The following PCDH15 variants were observed in gnomAD, a reference collection of about 807,000 sequenced individuals.
PCDH15 encodes the protein protocadherin related 15, also known as protocadherin-15.
A neutral mutation model predicts 178.5 loss-of-function variants in PCDH15; 129 were observed. That is an observed-to-expected ratio of 0.72 (90% CI 0.63 to 0.84). The LOEUF is 0.84. PCDH15 is among the 40% of genes least tolerant of loss of function. The probability of loss-of-function intolerance (pLI) is 0.00; values close to 1 mark genes in which losing one functional copy is unlikely to be tolerated. For missense variants in PCDH15, 2,230 were observed against 2,099.9 expected (o/e 1.06, Z -1.21); for synonymous variants, 800 against 732.0 (o/e 1.09, Z -1.50).
chr10:54,725,135 G>C (rs912435229), intron 1 of PCDH15, among the ~76,000 whole-genome samples: 1 of 151,068 alleles, frequency 6.6e-6, no homozygotes, highest in Non-Finnish European at 1.5e-5. Flanking sequence ...CAACACTGTG[G>C]GTTCATGAGC....
At chr10:54,427,886 A>T (rs1956488875) in intron 3 of PCDH15, among the ~76,000 whole-genome samples, 2 of 152,218 alleles carry the variant, frequency 1.3e-5, no homozygotes, top group African/African-American at 4.8e-5. Flanking sequence ...ACAATTGCTC[A>T]GTATTACTCT....
intron 3 of PCDH15, among the ~76,000 whole-genome samples, chr10:54,519,427 C>T (rs1051802754): frequency 2.0e-5 from 3 of 151,702 alleles, no homozygotes; most frequent in Non-Finnish European, 2.9e-5. Flanking sequence ...AACAGACAAA[C>T]AGAGAGCCAA....
At chr10:54,387,491 G>T (rs1950063291) in intron 3 of PCDH15, among the ~76,000 whole-genome samples, 1 of 152,070 alleles carries the variant, frequency 6.6e-6, no homozygotes, top group South Asian at 2.1e-4. Context: ...AACAAATATG[G>T]CATGATTATA....
At chr10:55,251,122 T>C (rs1468492318) in intron 1 of PCDH15, among the ~76,000 whole-genome samples, 1 of 152,058 alleles carries the variant, frequency 6.6e-6, no homozygotes, top group Non-Finnish European at 1.5e-5. Context: ...AGATATTGTA[T>C]CAGTATATCG....
At chr10:55,599,871 A>C in intron 2 of PCDH15, 1 of 1,427,772 alleles carries the variant, frequency 7.0e-7, no homozygotes, top group Non-Finnish European at 9.4e-7. Flanking sequence ...TAGCATAATC[A>C]CTTGTTCCCT....
At chr10:54,762,312 A>C (rs1398541055) in intron 1 of PCDH15, among the ~76,000 whole-genome samples, 1 of 152,172 alleles carries the variant, frequency 6.6e-6, no homozygotes, top group Non-Finnish European at 1.5e-5. Context: ...AACATGTCGT[A>C]CTTAAAAAAA....
intron 2 of PCDH15, among the ~76,000 whole-genome samples, chr10:54,920,326 C>T (rs376695660): frequency 2.0e-4 from 31 of 151,888 alleles, no homozygotes; most frequent in South Asian, 8.3e-4. Context: ...AAAAATTAGC[C>T]GGGCATGGTG....
intron 2 of PCDH15, among the ~76,000 whole-genome samples, chr10:55,056,041 C>G (rs1303875811): frequency 6.6e-6 from 1 of 152,110 alleles, no homozygotes; most frequent in Non-Finnish European, 1.5e-5. Flanking sequence ...ACAACGCTAA[C>G]CCAATGTACC....
chr10:54,474,577 G>A (rs2078145257), intron 3 of PCDH15, among the ~76,000 whole-genome samples: 1 of 151,982 alleles, frequency 6.6e-6, no homozygotes, highest in Non-Finnish European at 1.5e-5. Context: ...ACAGGCTGCT[G>A]ATAAATAGAC....
chr10:54,393,005 G>T (rs1950749959), intron 3 of PCDH15, among the ~76,000 whole-genome samples: 1 of 151,856 alleles, frequency 6.6e-6, no homozygotes, highest in Non-Finnish European at 1.5e-5. Context: ...ACTGATATGT[G>T]ATTAAAATTT....
chr10:53,947,320 T>C (rs1256445607), intron 23 of PCDH15, among the ~76,000 whole-genome samples: 1 of 152,158 alleles, frequency 6.6e-6, no homozygotes, highest in Non-Finnish European at 1.5e-5. Context: ...ATGTGTCAAA[T>C]AAAGCTTCTA....
intron 29 of PCDH15, among the ~76,000 whole-genome samples, chr10:53,840,030 G>C (rs1390666974): frequency 6.6e-6 from 1 of 152,192 alleles, no homozygotes; most frequent in African/African-American, 2.4e-5. Context: ...TTGAGCAAGA[G>C]TGAGGAGCTG....
At position 54,023,148 on chromosome 10, in the gene PCDH15, C is replaced by T. The variant is rs1441687621; in HGVS notation, c.2270G>A (p.Gly757Asp). 2.5e-6 allele frequency: 4 copies of T among 1,613,740 alleles called. No homozygotes were observed. Among genetic ancestry groups the T allele is most frequent in the South Asian group, 1.1e-5 (1 of 91,074 alleles). The change falls in exon 19 of 38, where the codon GGT (glycine) becomes GAT (aspartate). Residue 757 changes from glycine (G) to aspartate (D), a missense_variant. By Grantham distance (94) the Gly-to-Asp change is moderately conservative (BLOSUM62 -1). Transcript: ENST00000644397. ...GATACGAAAAAGATTATTAAAGTTA[C>T]CCAAACTGTAGTGCACTTGACCATT... ...GINGQVHYSLGNFNNLFRITS... is the reference protein window; with the variant it reads ...GINGQVHYSLDNFNNLFRITS...
chr10:54,004,151 T>G, intron 20 of PCDH15, among the ~76,000 whole-genome samples: 1 of 150,250 alleles, frequency 6.7e-6, no homozygotes, highest in East Asian at 2.0e-4. Context: ...ATAATAAAAG[T>G]GATATATGAC....
chr10:54,788,412 G>T lies in PCDH15; in HGVS notation c.-29+12513C>A, dbSNP rs186159917. Among the ~76,000 whole-genome samples, 3 of 151,910 alleles carry T rather than the reference G, an allele frequency of 2.0e-5. No homozygotes were observed. In the East Asian group the frequency reaches 5.8e-4, roughly 30 times the overall value. ...GTTGGTTATGCAGGTCTGAGCTATG[G>T]AATAAAATTTGGAGATGTCAGAGAT... On this transcript the variant is annotated intron_variant, in intron 1 of 37. Transcript: ENST00000644397.
intron 2 of PCDH15, among the ~76,000 whole-genome samples, chr10:55,105,576 A>T (rs1013851245): frequency 2.0e-5 from 3 of 152,154 alleles, no homozygotes; most frequent in Non-Finnish European, 2.9e-5. Context: ...GGAGGATCCT[A>T]TTCATCCTGT....
intron 3 of PCDH15, among the ~76,000 whole-genome samples, chr10:54,480,938 G>A (rs898288416): frequency 3.0e-4 from 45 of 151,946 alleles, no homozygotes; most frequent in African/African-American, 8.9e-4. Flanking sequence ...TCTATCGACA[G>A]TATAAACATT....
chr10:55,074,670 G>A (rs1242202769), intron 2 of PCDH15, among the ~76,000 whole-genome samples: 1 of 152,088 alleles, frequency 6.6e-6, no homozygotes, highest in Non-Finnish European at 1.5e-5. Context: ...TAGGTTGCCT[G>A]TTTGCTCTGA....
intron 1 of PCDH15, among the ~76,000 whole-genome samples, chr10:54,771,911 C>A (rs1403297714): frequency 6.6e-6 from 1 of 152,072 alleles, no homozygotes; most frequent in Non-Finnish European, 1.5e-5. Context: ...CAAACTCAGG[C>A]TTAAAAATCT....
Sources: gnomAD v4.1 joint callset for allele counts (sites outside exome capture counted in the v4.1 genomes callset) on GRCh38, gnomAD v4.1.1 for gene constraint, MANE v1.5 for transcripts, NCBI Gene and HGNC (gene_info 2026-07-23, HGNC 2026-07-21) for gene names.